PPP6C: variants seen among roughly 807,000 people sequenced by gnomAD.
PPP6C encodes serine/threonine-protein phosphatase 6 catalytic subunit.
A neutral mutation model predicts 39.8 loss-of-function variants in PPP6C; 11 were observed. The observed-to-expected ratio is 0.28, with a 90% confidence interval of 0.17 to 0.46. The LOEUF is 0.46. PPP6C is among the 20% of genes least tolerant of loss of function. The pLI is 1.00. For synonymous variants in PPP6C, 129 were observed against 130.3 expected (o/e 0.99, Z 0.07); for missense variants, 211 against 373.9 (o/e 0.56, Z 3.59).
chr9:125,151,837 A>G (rs1450986262), intron 6 of PPP6C, among the ~76,000 whole-genome samples: 5 of 152,224 alleles, frequency 3.3e-5, no homozygotes, highest in Admixed American at 2.0e-4. Context: ...AGCTTTAACT[A>G]TAGCTCAGCT....
In PPP6C at chr9:125,160,998, A is replaced by G; in HGVS notation, c.172-92T>C. The G allele has an allele frequency of 3.9e-6, 3 of 762,190 alleles. No homozygotes were observed. In the South Asian group the frequency reaches 6.5e-5, roughly 17 times the overall value. The allele number at this position is 762,190 out of a possible 1,614,324, so 47.2% of individuals were successfully genotyped here. Reference sequence around the variant, plus strand: ...AGTGAAATGTGTAAAGAAGCAGCTAAGAGGACTCCAAATATTTACATTTTT... The same window carrying G: ...AGTGAAATGTGTAAAGAAGCAGCTAGGAGGACTCCAAATATTTACATTTTT... On this transcript the variant is annotated intron_variant, in intron 2 of 6. Coordinates refer to ENST00000373547, the MANE Select transcript of PPP6C (RefSeq NM_002721.5).
At chr9:125,176,077 T>C (rs1431507855) in intron 1 of PPP6C, among the ~76,000 whole-genome samples, 2 of 152,092 alleles carry the variant, frequency 1.3e-5, no homozygotes, top group East Asian at 3.9e-4. Flanking sequence ...ACTGATAAAG[T>C]GAATTTTGAG....
chr9:125,158,651 C>A (rs1441442700), intron 3 of PPP6C, among the ~76,000 whole-genome samples: 1 of 151,624 alleles, frequency 6.6e-6, no homozygotes, highest in South Asian at 2.1e-4. Context: ...AAAAAAAAAC[C>A]ACCATTTTTT....
chr9:125,175,890 AGG>A (rs1291307078), intron 1 of PPP6C, among the ~76,000 whole-genome samples: 5 of 152,292 alleles, frequency 3.3e-5, no homozygotes, highest in Middle Eastern at 3.4e-3. Context: ...TCTGCTCTCA[AGG>A]GGCTTACATT....
intron 6 of PPP6C, among the ~76,000 whole-genome samples, chr9:125,152,817 CG>C (rs1298358352): frequency 1.4e-5 from 2 of 147,638 alleles, no homozygotes; most frequent in East Asian, 4.0e-4. Flanking sequence ...GCAACATGAG[CG>C]AAACTCTTGT....
chr9:125,161,742 A>T (rs1175093769), intron 2 of PPP6C, among the ~76,000 whole-genome samples: 1 of 152,156 alleles, frequency 6.6e-6, no homozygotes, highest in Non-Finnish European at 1.5e-5. Context: ...AGGATATTTC[A>T]TCATATTTCT....
intron 1 of PPP6C, among the ~76,000 whole-genome samples, chr9:125,171,649 A>G (rs1039616530): frequency 1.3e-5 from 2 of 150,692 alleles, no homozygotes; most frequent in African/African-American, 2.4e-5. Context: ...CATCTCCCAG[A>G]TTCAAGCAAT....
At chr9:125,151,299 T>C in intron 6 of PPP6C, 2 of 1,484,556 alleles carry the variant, frequency 1.3e-6, no homozygotes, top group Non-Finnish European at 1.9e-6. Flanking sequence ...GCGGATGACA[T>C]GGTTGACACT....
At chr9:125,182,016 C>A (rs1564158687) in intron 1 of PPP6C, among the ~76,000 whole-genome samples, 1 of 152,210 alleles carries the variant, frequency 6.6e-6, no homozygotes, top group Non-Finnish European at 1.5e-5. Flanking sequence ...GAGATGGTAT[C>A]TCATTGCGGT....
At chr9:125,167,748 C>T (rs1001032569) in intron 2 of PPP6C, among the ~76,000 whole-genome samples, 1 of 146,966 alleles carries the variant, frequency 6.8e-6, no homozygotes, top group African/African-American at 2.5e-5. Context: ...AGTCTCAGGC[C>T]GGACGCAGTG....
chr9:125,156,744 G>GCTCTCTCTCT (rs61252351), intron 4 of PPP6C, among the ~76,000 whole-genome samples: 308 of 141,432 alleles, frequency 2.2e-3, no homozygotes, highest in Middle Eastern at 3.5e-3. Flanking sequence ...TAATAAGCTC[G>GCTCTCTCTCT]CTCTCTCTCT....
chr9:125,158,386 T>G lies in PPP6C; in HGVS notation c.238-4A>C. The G allele has an allele frequency of 6.2e-7, 1 of 1,612,170 alleles. No individual in the cohort carries two copies. The highest frequency in any genetic ancestry group is 8.5e-7 in the Non-Finnish European group (1 of 1,179,010). ...AACCTCTGTCTACAAAATCACCCTG[T>G]GAAGTAAAAGTTTACAGTTACAAAC... On this transcript the variant is annotated splice_polypyrimidine_tract_variant and splice_region_variant and intron_variant, in intron 3 of 6. Coordinates refer to ENST00000373547, the MANE Select transcript of PPP6C (RefSeq NM_002721.5).
At chr9:125,157,232 C>T (rs1036272041) in intron 4 of PPP6C, among the ~76,000 whole-genome samples, 3 of 151,128 alleles carry the variant, frequency 2.0e-5, no homozygotes, top group South Asian at 2.1e-4. Flanking sequence ...CCGCCCGCCT[C>T]GGCCTCCCAA....
At chr9:125,172,229 T>C (rs1439338565) in intron 1 of PPP6C, among the ~76,000 whole-genome samples, 2 of 152,142 alleles carry the variant, frequency 1.3e-5, no homozygotes, top group Admixed American at 1.3e-4. Context: ...TTTTTCCCTT[T>C]TTTTTTGAGA....
chr9:125,186,263 T>TTTA (rs1406193145), intron 1 of PPP6C, among the ~76,000 whole-genome samples: 2 of 151,978 alleles, frequency 1.3e-5, no homozygotes, highest in Non-Finnish European at 2.9e-5. Flanking sequence ...TTGGCCTAAT[T>TTTA]TTAGGTTGCA....
chr9:125,168,941 C>T lies in PPP6C; in HGVS notation c.171+2144G>A, dbSNP rs553850386. Among the ~76,000 whole-genome samples, 6 of 151,356 alleles carry T rather than the reference C, an allele frequency of 4.0e-5. 1 individual carries two copies. The South Asian group carries it at 1.0e-3, about 26-fold the overall frequency. On this transcript the variant is annotated intron_variant, in intron 2 of 6. Coordinates refer to ENST00000373547, the MANE Select transcript of PPP6C (RefSeq NM_002721.5). ...ACACCTGGCTAATTTTTGTATTTTT[C>T]GTAGAGACAGGGTTTCACCATGTTG...
Position 125,148,008 on chromosome 9 carries a change from T to C in PPP6C, c.*1665A>G, listed in dbSNP as rs554916546. 1.1e-3 allele frequency: 197 copies of C among 186,284 alleles called. No individual in the cohort carries two copies. Among genetic ancestry groups the C allele is most frequent in the Admixed American group, 2.2e-3 (52 of 23,652 alleles). The allele number at this position is 186,284 out of a possible 1,614,324, so 11.5% of individuals were successfully genotyped here. The stretch of plus-strand genomic sequence containing the variant: ...CATTAGTTCAAGTGTGTGCAGCAAA[T>C]GTCTTAGCCACCTCTTTCATATAGC... On this transcript the variant is annotated 3_prime_UTR_variant, in exon 7 of 7. Transcript: ENST00000373547.
In PPP6C at chr9:125,171,099, C is replaced by A; in HGVS notation, c.157G>T (p.Asp53Tyr). The change falls in exon 2 of 7, where the codon GAT (aspartate) becomes TAT (tyrosine). Residue 53 changes from aspartate to tyrosine, a missense_variant. Coordinates refer to ENST00000373547, the MANE Select transcript of PPP6C (RefSeq NM_002721.5). Reference sequence around the variant, plus strand: ...TGAAATTTTACCTGTCCATGGATATCTCCACACACTGTTACTGGTGTTGAT... The same window carrying A: ...TGAAATTTTACCTGTCCATGGATATATCCACACACTGTTACTGGTGTTGAT... ...PVSTPVTVCGDIHGQFYDLCE... is the reference protein window; with the variant it reads ...PVSTPVTVCGYIHGQFYDLCE... 6.3e-7 allele frequency: 1 copy of A among 1,590,212 alleles called. No homozygotes were observed. Among genetic ancestry groups the A allele is most frequent in the Middle Eastern group, 1.7e-4 (1 of 6,002 alleles).
intron 2 of PPP6C, among the ~76,000 whole-genome samples, chr9:125,161,594 C>T (rs181834878): frequency 6.6e-6 from 1 of 152,146 alleles, no homozygotes; most frequent in Non-Finnish European, 1.5e-5. Context: ...CAGTTACACA[C>T]CACCATGCCC....
Sources: allele counts gnomAD v4.1 joint callset (sites outside exome capture counted in the v4.1 genomes callset), GRCh38; gene constraint gnomAD v4.1.1; transcripts MANE v1.5; gene names NCBI Gene and HGNC (gene_info 2026-07-23, HGNC 2026-07-21).